The following TNPO1 variants were observed in gnomAD, a reference collection of about 807,000 sequenced individuals.
TNPO1 encodes the protein transportin-1.
TNPO1 carries 8 observed loss-of-function variants against 119.5 expected under a neutral mutation model. That is an observed-to-expected ratio of 0.07 (90% CI 0.04 to 0.12). TNPO1 has a LOEUF of 0.12. TNPO1 is among the 10% of genes least tolerant of loss of function. TNPO1 has a pLI of 1.00. For synonymous variants in TNPO1, 362 were observed against 363.0 expected, an observed-to-expected ratio of 1.00 and a Z score of 0.03; for missense variants, 576 against 1,089.8, an observed-to-expected ratio of 0.53 and a Z score of 6.64.
chr5:72,876,026 T>G (rs1433787952), intron 8 of TNPO1, among the ~76,000 whole-genome samples: 1 of 152,160 alleles, frequency 6.6e-6, no homozygotes, highest in Non-Finnish European at 1.5e-5. Context: ...CTAAGATCTG[T>G]TAAAAGGCTA....
In TNPO1 at chr5:72,913,071, A is replaced by C. The variant is rs1396191048; in HGVS notation, c.*4398A>C. Reference sequence around the variant, plus strand: ...TAAGAAAACTGGTCTTCAGATAGTTAAGGGCTTGGGATAATTTAAGTGAAA... The same window carrying C: ...TAAGAAAACTGGTCTTCAGATAGTTCAGGGCTTGGGATAATTTAAGTGAAA... On this transcript the variant is annotated 3_prime_UTR_variant, in exon 25 of 25. Coordinates refer to ENST00000337273, the MANE Select transcript of TNPO1 (RefSeq NM_002270.4). 6.6e-6 allele frequency: 1 copy of C among 152,506 alleles called. No individual in the cohort carries two copies. The highest frequency in any genetic ancestry group is 1.5e-5 in the Non-Finnish European group (1 of 67,926). 9.4% of individuals were successfully genotyped at this position (152,506 alleles called of 1,614,324 possible). A position where few individuals can be genotyped will look rare whatever the true frequency, so the allele number is the denominator to read the frequency against.
chr5:72,862,569 T>C (rs34665), intron 5 of TNPO1, among the ~76,000 whole-genome samples: 124,492 of 151,596 alleles, frequency 0.82, 51,383 homozygotes, highest in Non-Finnish European at 0.86. Flanking sequence ...TCAAGAAATC[T>C]TCCAGCCTCA....
At chr5:72,863,680 G>A (rs1166834253) in intron 5 of TNPO1, among the ~76,000 whole-genome samples, 3 of 149,206 alleles carry the variant, frequency 2.0e-5, no homozygotes, top group Non-Finnish European at 4.4e-5. Context: ...AGAATTGCTT[G>A]AACCCAGGAG....
intron 23 of TNPO1, among the ~76,000 whole-genome samples, chr5:72,904,592 T>C (rs1348917708): frequency 1.3e-5 from 2 of 152,060 alleles, no homozygotes; most frequent in Non-Finnish European, 2.9e-5. Flanking sequence ...GGTCAGGAGT[T>C]CAAGACCAGC....
rs555399078 is a variant in TNPO1 at position 72,834,447 on chromosome 5, G to C, written c.16-13938G>C. ...CAGGATACAGAGGTGGAAGACAGTGGCATTGATGACACTGACCCTGTGCAG... is the reference window on the plus strand; with the variant it reads ...CAGGATACAGAGGTGGAAGACAGTGCCATTGATGACACTGACCCTGTGCAG... On this transcript the variant is annotated intron_variant, in intron 1 of 24. Coordinates refer to ENST00000337273, the MANE Select transcript of TNPO1 (RefSeq NM_002270.4). Among the ~76,000 whole-genome samples, 5 of 152,302 alleles carry C rather than the reference G, an allele frequency of 3.3e-5. No individual in the cohort carries two copies. In the East Asian group the frequency reaches 9.7e-4, roughly 29 times the overall value.
At chr5:72,863,849 G>C (rs1746670683) in intron 5 of TNPO1, among the ~76,000 whole-genome samples, 3 of 151,948 alleles carry the variant, frequency 2.0e-5, no homozygotes, top group South Asian at 2.1e-4. Flanking sequence ...ATAGTGCTTT[G>C]GTGTGATGGT....
intron 23 of TNPO1, 105 bp from the exon 24 acceptor site, chr5:72,905,198 A>G (rs1304647238): frequency 2.3e-6 from 2 of 859,970 alleles, no homozygotes; most frequent in African/African-American, 3.6e-5. Flanking sequence ...CTACTTTAAA[A>G]TGGATAAAAT....
Position 72,893,360 on chromosome 5 carries a change from A to G in TNPO1, c.1897-17A>G, listed in dbSNP as rs748586139. The G allele has an allele frequency of 1.8e-5, 29 of 1,610,140 alleles. No homozygotes were observed. Among genetic ancestry groups the G allele is most frequent in the Non-Finnish European group, 2.1e-5 (25 of 1,178,826 alleles). ...AATTAAAACCAAACTTACAAAAAAC[A>G]TTGTGTCTAATTTCAGCTAAACAAT... is the stretch of plus-strand genomic sequence containing the variant. On this transcript the variant is annotated splice_polypyrimidine_tract_variant and intron_variant, in intron 16 of 24. Coordinates refer to ENST00000337273, the MANE Select transcript of TNPO1 (RefSeq NM_002270.4).
At chr5:72,892,780 G>T (rs1252284459) in intron 15 of TNPO1, among the ~76,000 whole-genome samples, 1 of 152,132 alleles carries the variant, frequency 6.6e-6, no homozygotes, top group Non-Finnish European at 1.5e-5. Context: ...TTTCCGGCAG[G>T]ATCTCAGAAT....
Position 72,890,075 on chromosome 5 carries a change from A to G in TNPO1, c.1701+118A>G, listed in dbSNP as rs1199539235. The G allele has an allele frequency of 2.7e-6, 3 of 1,117,090 alleles. No homozygotes were observed. The South Asian group carries it at 4.5e-5, about 17-fold the overall frequency. The allele number at this position is 1,117,090 out of a possible 1,614,324, so 69.2% of individuals were successfully genotyped here. On this transcript the variant is annotated intron_variant, in intron 14 of 24. Transcript: ENST00000337273. ...GAGATGTGAATAGTTAGCGTTAGCT[A>G]CTTTAAGAGTATAGATCTTACAAAG...
At chr5:72,904,246 T>A (rs2112500757) in intron 23 of TNPO1, among the ~76,000 whole-genome samples, 1 of 152,208 alleles carries the variant, frequency 6.6e-6, no homozygotes, top group East Asian at 1.9e-4. Flanking sequence ...AAGATTAAAG[T>A]TAGTGAACTA....
rs1281773806 is a variant in TNPO1, at chr5:72,908,828, CGGGAGGGAGGTGT to C, written c.*156_*168del. ...ACAATCCCAACCCTACTGGGAGGGG[CGGGAGGGAGGTGT>C]TGCCGTCACTGTATTAAGTCGATGT... is the stretch of plus-strand genomic sequence containing the variant. On this transcript the variant is annotated 3_prime_UTR_variant, in exon 25 of 25. Coordinates refer to ENST00000337273, the MANE Select transcript of TNPO1 (RefSeq NM_002270.4). The C allele has an allele frequency of 4.6e-6, 2 of 438,510 alleles. No homozygotes were observed. Among genetic ancestry groups the C allele is most frequent in the Non-Finnish European group, 9.2e-6 (2 of 218,108 alleles). The allele number at this position is 438,510 out of a possible 1,614,324, so 27.2% of individuals were successfully genotyped here.
intron 12 of TNPO1, among the ~76,000 whole-genome samples, 189 bp downstream of exon 12, chr5:72,887,411 C>T (rs1344181957): frequency 6.6e-6 from 1 of 152,174 alleles, no homozygotes; most frequent in East Asian, 1.9e-4. Context: ...TAACAGAGGC[C>T]AGGCATGGTG....
chr5:72,903,164 G>A lies in TNPO1; in HGVS notation c.2515-545G>A, dbSNP rs79966844. Among the ~76,000 whole-genome samples, 724 of 152,116 alleles carry A rather than the reference G, an allele frequency of 4.8e-3. 7 individuals are homozygous for A. The highest frequency in any genetic ancestry group is 0.017 in the African/African-American group (703 of 41,512). On this transcript the variant is annotated intron_variant, in intron 22 of 24. Transcript: ENST00000337273. ...TAATTGTCCAAAAGTTGGGTTTTTTGTTCTTGTTTGGATTGGGTATTTGTA... is the reference window on the plus strand; with the variant it reads ...TAATTGTCCAAAAGTTGGGTTTTTTATTCTTGTTTGGATTGGGTATTTGTA...
At chr5:72,877,565 C>T (rs1017355200) in intron 9 of TNPO1, among the ~76,000 whole-genome samples, 3 of 152,004 alleles carry the variant, frequency 2.0e-5, no homozygotes, top group Non-Finnish European at 4.4e-5. Flanking sequence ...TAATTGATTT[C>T]GGATAATTTA....
rs572641837 is a variant in TNPO1, at chr5:72,910,908, C to T, written c.*2235C>T. On this transcript the variant is annotated 3_prime_UTR_variant, in exon 25 of 25. Coordinates refer to ENST00000337273, the MANE Select transcript of TNPO1 (RefSeq NM_002270.4). The stretch of plus-strand genomic sequence containing the variant: ...CCTGAAATTAAATTATTTTATAGTG[C>T]CTGATATTTTTAATATTATAAGTTG... 2 of 152,002 alleles carry T rather than the reference C, an allele frequency of 1.3e-5. No individual in the cohort carries two copies. Among genetic ancestry groups the T allele is most frequent in the East Asian group, 3.9e-4 (2 of 5,178 alleles). The allele number at this position is 152,002 out of a possible 1,614,324, so 9.4% of individuals were successfully genotyped here. A position where few individuals can be genotyped will look rare whatever the true frequency, so the allele number is the denominator to read the frequency against.
chr5:72,884,635 T>G (rs1326070195), intron 11 of TNPO1, among the ~76,000 whole-genome samples: 1 of 152,224 alleles, frequency 6.6e-6, no homozygotes, highest in Non-Finnish European at 1.5e-5. Context: ...TAATTGGGGA[T>G]GAACCTAAAC....
intron 7 of TNPO1, 22 bp downstream of exon 7, chr5:72,872,742 C>T: frequency 1.3e-6 from 2 of 1,534,778 alleles, no homozygotes; most frequent in South Asian, 1.3e-5. Context: ...TCTTGTCTCC[C>T]TCCCAACCCC....
intron 4 of TNPO1, among the ~76,000 whole-genome samples, chr5:72,860,644 A>G (rs1392521074): frequency 1.3e-5 from 2 of 152,220 alleles, no homozygotes; most frequent in African/African-American, 4.8e-5. Context: ...GTAAGTGGGA[A>G]CTGTTGTAGG....
Sources: allele counts gnomAD v4.1 joint callset (sites outside exome capture counted in the v4.1 genomes callset), GRCh38; gene constraint gnomAD v4.1.1; transcripts MANE v1.5; gene names NCBI Gene and HGNC (gene_info 2026-07-23, HGNC 2026-07-21).